Variants in AFF2 observed in about 807,000 individuals in gnomAD.
AFF2 encodes the protein AF4/FMR2 family member 2.
In AFF2, 14 loss-of-function variants were observed where a neutral mutation model predicts 76.9. The observed-to-expected ratio is 0.18, with a 90% CI of 0.12 to 0.28. The LOEUF is 0.28. AFF2 is among the 10% of genes least tolerant of loss of function. The probability of loss-of-function intolerance (pLI) is 1.00; values close to 1 mark genes in which losing one functional copy is unlikely to be tolerated. For missense variants in AFF2, 868 were observed against 1,001.1 expected (o/e 0.87, Z 1.79); for synonymous variants, 398 against 366.7 (o/e 1.09, Z -0.98).
At chrX:148,750,663 T>C (rs2055486960) in intron 3 of AFF2, among the ~76,000 whole-genome samples, 1 of 111,944 alleles carries the variant, frequency 8.9e-6, no homozygotes, top group African/African-American at 3.2e-5. Flanking sequence ...TGAACATTTC[T>C]ATGTCTCTTC....
In AFF2 at chrX:148,809,923, G is replaced by A; in HGVS notation, c.1086+3G>A. On this transcript the variant is annotated splice_donor_region_variant and intron_variant, in intron 4 of 20. Coordinates refer to ENST00000370460, the MANE Select transcript of AFF2 (RefSeq NM_002025.4). ...GCTGTGTTGAAGAAATCTTGCGGGT[G>A]AGTTTAAACCTTTATTTTTGTGCCT... 2.5e-6 allele frequency: 3 copies of A among 1,209,043 alleles called. No homozygotes were observed. Among genetic ancestry groups the A allele is most frequent in the South Asian group, 3.5e-5 (2 of 56,795 alleles).
At chrX:148,579,403 C>T (rs782542443) in intron 1 of AFF2, among the ~76,000 whole-genome samples, 18 of 111,486 alleles carry the variant, frequency 1.6e-4, no homozygotes, top group Middle Eastern at 4.7e-3. Context: ...GCACAATTTT[C>T]TCTGAGTTCA....
rs782756499 is a variant in AFF2 at position 148,733,353 on chromosome X, A to G, written c.1041+70585A>G. Among the ~76,000 whole-genome samples the G allele has an allele frequency of 5.4e-5, 6 of 110,664 alleles. No individual in the cohort carries two copies. In the South Asian group the frequency reaches 2.3e-3, roughly 42 times the overall value. On this transcript the variant is annotated intron_variant, in intron 3 of 20. Transcript: ENST00000370460. ...AGTACTGTAGGATTTTTCTGCCCTCACACATTGTATCCCTTTAAATCTAGT... is the reference window on the plus strand; with the variant it reads ...AGTACTGTAGGATTTTTCTGCCCTCGCACATTGTATCCCTTTAAATCTAGT...
chrX:148,718,073 T>A (rs1557263525), intron 3 of AFF2, among the ~76,000 whole-genome samples: 1 of 109,960 alleles, frequency 9.1e-6, no homozygotes, highest in African/African-American at 3.3e-5. Context: ...CTTTATCTCA[T>A]ATAAAGGAGT....
chrX:148,853,092 C>A (rs1228805308), intron 7 of AFF2, among the ~76,000 whole-genome samples: 7 of 111,389 alleles, frequency 6.3e-5, no homozygotes, highest in African/African-American at 2.3e-4. Flanking sequence ...TTTTTTAATA[C>A]CCTGTTTGCC....
intron 4 of AFF2, among the ~76,000 whole-genome samples, chrX:148,836,547 C>A (rs1257808688): frequency 4.5e-5 from 5 of 110,574 alleles, no homozygotes; most frequent in African/African-American, 9.9e-5. Context: ...AAATTTTGAT[C>A]CCCTCCATCC....
At chrX:148,667,265 A>C (rs1156870988) in intron 3 of AFF2, among the ~76,000 whole-genome samples, 3 of 112,623 alleles carry the variant, frequency 2.7e-5, no homozygotes, top group African/African-American at 9.7e-5. Context: ...CTATGCAGTG[A>C]ACACTGTGAG....
chrX:148,535,222 A>T (rs2052771054), intron 1 of AFF2, among the ~76,000 whole-genome samples: 1 of 112,171 alleles, frequency 8.9e-6, no homozygotes, highest in African/African-American at 3.2e-5. Context: ...GATTATTATG[A>T]TTATTAAAAA....
At chrX:148,846,588 C>G (rs1839220871) in intron 7 of AFF2, among the ~76,000 whole-genome samples, 1 of 111,056 alleles carries the variant, frequency 9.0e-6, no homozygotes, top group Admixed American at 9.6e-5. Flanking sequence ...GAGAAAAGAC[C>G]AGAAGTTGGT....
intron 19 of AFF2, among the ~76,000 whole-genome samples, chrX:148,985,382 G>A (rs1178960728): frequency 5.4e-5 from 5 of 92,107 alleles, no homozygotes; most frequent in Non-Finnish European, 1.0e-4. Context: ...GCTCACTGCA[G>A]CCTCAGTCTC....
chrX:148,961,925 C>A (rs1239765128), intron 12 of AFF2, among the ~76,000 whole-genome samples: 6 of 112,699 alleles, frequency 5.3e-5, no homozygotes, highest in African/African-American at 1.9e-4. Context: ...TGTTAAGCAG[C>A]TAGCATAAGG....
chrX:148,888,960 G>T, intron 8 of AFF2, among the ~76,000 whole-genome samples: 1 of 111,649 alleles, frequency 9.0e-6, no homozygotes, highest in East Asian at 2.8e-4. Flanking sequence ...GAACCCAGTG[G>T]CTGCATTCGT....
At chrX:148,919,204 A>G (rs1051029227) in intron 9 of AFF2, among the ~76,000 whole-genome samples, 1 of 111,803 alleles carries the variant, frequency 8.9e-6, no homozygotes, top group African/African-American at 3.2e-5. Context: ...CTTTTTAACT[A>G]CTGATATAGG....
At chrX:148,856,756 T>A (rs782653354) in intron 7 of AFF2, among the ~76,000 whole-genome samples, 124 of 112,820 alleles carry the variant, frequency 1.1e-3, no homozygotes, top group African/African-American at 3.2e-3. Context: ...GAAAAACTGC[T>A]TTTGAAATAT....
chrX:148,803,250 G>T (rs1372588), intron 3 of AFF2, among the ~76,000 whole-genome samples: 6,987 of 111,412 alleles, frequency 0.063, 462 homozygotes, highest in African/African-American at 0.2. Flanking sequence ...AAGCAAGTGG[G>T]GTCAGAGTCA....
At chrX:148,580,518 A>G (rs1464891380) in intron 1 of AFF2, among the ~76,000 whole-genome samples, 1 of 111,601 alleles carries the variant, frequency 9.0e-6, no homozygotes, top group Non-Finnish European at 1.9e-5. Context: ...AAATGTGTCT[A>G]GATCAGGAAT....
At chrX:148,647,328 A>T (rs782781403) in intron 1 of AFF2, among the ~76,000 whole-genome samples, 18 of 112,459 alleles carry the variant, frequency 1.6e-4, no homozygotes, top group Non-Finnish European at 3.4e-4. Flanking sequence ...TTTAAAACAA[A>T]TTTATCATTT....
At chrX:148,886,962 C>T (rs73609942) in intron 8 of AFF2, among the ~76,000 whole-genome samples, 3,516 of 112,493 alleles carry the variant, frequency 0.031, 153 homozygotes, top group African/African-American at 0.11. Context: ...CAAGGCTCAG[C>T]TACTCTATTC....
chrX:148,780,625 G>A (rs1457398869), intron 3 of AFF2, among the ~76,000 whole-genome samples: 3 of 111,231 alleles, frequency 2.7e-5, no homozygotes, highest in Non-Finnish European at 5.7e-5. Context: ...TCTCTAAACC[G>A]GTTATTCTAG....
Sources: allele counts gnomAD v4.1 joint callset (sites outside exome capture counted in the v4.1 genomes callset), GRCh38; gene constraint gnomAD v4.1.1; transcripts MANE v1.5; gene names NCBI Gene and HGNC (gene_info 2026-07-23, HGNC 2026-07-21).